RYR2: variants seen among roughly 807,000 people sequenced by gnomAD.
RYR2 encodes cardiac muscle ryanodine receptor-calcium release channel.
Under a neutral mutation model 601.1 loss-of-function variants are expected in RYR2, and 227 were observed. That is an observed-to-expected ratio of 0.38 (90% confidence interval 0.34 to 0.42). The LOEUF is 0.42. RYR2 is among the 10% of genes least tolerant of loss of function. RYR2 has a pLI of 1.00. For missense variants in RYR2, 4,646 were observed against 6,156.5 expected (o/e 0.75, Z 8.21); for synonymous variants, 2,223 against 2,175.1 (o/e 1.02, Z -0.61).
At chr1:237,523,678 C>T (rs796207516) in intron 24 of RYR2, among the ~76,000 whole-genome samples, 2 of 151,512 alleles carry the variant, frequency 1.3e-5, no homozygotes, top group Admixed American at 6.6e-5. Flanking sequence ...AAGTGGTTGC[C>T]GTGAGCCGAG....
chr1:237,760,939 TC>T lies in RYR2; in HGVS notation c.11403-13del. The T allele has an allele frequency of 6.5e-7, 1 of 1,527,450 alleles. No homozygotes were observed. Among genetic ancestry groups the T allele is most frequent in the Non-Finnish European group, 8.9e-7 (1 of 1,125,456 alleles). 94.6% of individuals were successfully genotyped at this position (1,527,450 alleles called of 1,614,324 possible). ...TATTAGTCCTCTAAATGTTTTTTTT[TC>T]CCTTGTTATTATAGTGTCCTTGACC... is the stretch of plus-strand genomic sequence containing the variant. On this transcript the variant is annotated splice_polypyrimidine_tract_variant and intron_variant, in intron 83 of 104. Transcript: ENST00000366574.
rs553373082 is a variant in RYR2, at chr1:237,512,471, T to G, written c.2822+680T>G. ...TTCAGAACTTTGGGGTGAAGTCTGT[T>G]TATGGTATTTCCTAAACTGATTTCA... On this transcript the variant is annotated intron_variant, in intron 24 of 104. Coordinates refer to ENST00000366574, the MANE Select transcript of RYR2 (RefSeq NM_001035.3). Among the ~76,000 whole-genome samples the G allele has an allele frequency of 1.5e-3, 228 of 152,326 alleles. 2 individuals carry two copies. The highest frequency in any genetic ancestry group is 5.2e-3 in the African/African-American group (216 of 41,582).
chr1:237,279,274 G>A (rs1479415552), intron 2 of RYR2, among the ~76,000 whole-genome samples: 2 of 152,066 alleles, frequency 1.3e-5, no homozygotes, highest in Non-Finnish European at 2.9e-5. Context: ...TCATGACAGG[G>A]TGCAGTTTAT....
At chr1:237,137,657 A>T (rs1672939983) in intron 1 of RYR2, among the ~76,000 whole-genome samples, 1 of 152,256 alleles carries the variant, frequency 6.6e-6, no homozygotes, top group African/African-American at 2.4e-5. Context: ...GCGACGTGGC[A>T]TCCATTTGAA....
Position 237,045,869 on chromosome 1 carries a change from G to GTTT in RYR2, c.48+3324_48+3326dup, listed in dbSNP as rs768636054. ...ATGGTATAAAATGACCTTGGTCAAG[G>GTTT]TTTTTTTTTTTTTTTTTTTTTTTTT... is the stretch of plus-strand genomic sequence containing the variant. On this transcript the variant is annotated intron_variant, in intron 1 of 104. Transcript: ENST00000366574. 1.0e-3 allele frequency among the ~76,000 whole-genome samples: 58 copies of GTTT among 56,938 alleles called. 1 individual carries two copies. Among genetic ancestry groups the GTTT allele is most frequent in the East Asian group, 6.4e-3 (9 of 1,402 alleles). The allele number at this position is 56,938 out of a possible 152,430, so 37.4% of individuals were successfully genotyped here.
At chr1:237,618,076 G>A (rs1467169488) in intron 38 of RYR2, among the ~76,000 whole-genome samples, 1 of 152,230 alleles carries the variant, frequency 6.6e-6, no homozygotes, top group East Asian at 1.9e-4. Context: ...CGTAGGGATG[G>A]TGTTAAACAA....
intron 4 of RYR2, among the ~76,000 whole-genome samples, chr1:237,362,248 T>G (rs1699838716): frequency 6.6e-6 from 1 of 152,326 alleles, no homozygotes; most frequent in South Asian, 2.1e-4. Context: ...TCCAAAAAAT[T>G]CTAAGACAGC....
chr1:237,341,777 T>C (rs981947567), intron 3 of RYR2: 2 of 435,154 alleles, frequency 4.6e-6, no homozygotes, highest in Non-Finnish European at 9.2e-6. Context: ...TAGAGCTTTT[T>C]TGTCTGTTAA....
chr1:237,383,636 G>A (rs148800548), intron 8 of RYR2, among the ~76,000 whole-genome samples: 1,628 of 151,742 alleles, frequency 0.011, 22 homozygotes, highest in African/African-American at 0.033. Flanking sequence ...TCACCGTGTT[G>A]GCCAGGATGG....
intron 10 of RYR2, among the ~76,000 whole-genome samples, chr1:237,414,842 G>C (rs1035354424): frequency 6.6e-6 from 1 of 152,140 alleles, no homozygotes; most frequent in African/African-American, 2.4e-5. Context: ...CCTAGAGGAC[G>C]TATGTTAAGT....
At chr1:237,589,349 G>A (rs1042902511) in intron 29 of RYR2, among the ~76,000 whole-genome samples, 2 of 152,128 alleles carry the variant, frequency 1.3e-5, no homozygotes, top group African/African-American at 4.8e-5. Context: ...TGTGTCTGGT[G>A]TTAGTATGTA....
intron 101 of RYR2, among the ~76,000 whole-genome samples, chr1:237,821,745 T>A (rs1662527208): frequency 6.6e-6 from 1 of 151,930 alleles, no homozygotes; most frequent in Non-Finnish European, 1.5e-5. Flanking sequence ...AGGAGCATGT[T>A]CTAACCCATT....
chr1:237,362,120 A>G (rs1448582544), intron 4 of RYR2, among the ~76,000 whole-genome samples: 2 of 152,190 alleles, frequency 1.3e-5, no homozygotes, highest in African/African-American at 4.8e-5. Flanking sequence ...TTGGAGCTCC[A>G]TCTGATGTGT....
Position 237,456,750 on chromosome 1 carries a change from T to G in RYR2, c.1612+15T>G, listed in dbSNP as rs746080670. 1.6e-5 allele frequency: 25 copies of G among 1,612,722 alleles called. No homozygotes were observed. The highest frequency in any genetic ancestry group is 2.0e-5 in the Non-Finnish European group (24 of 1,179,298). On this transcript the variant is annotated intron_variant, in intron 16 of 104. Coordinates refer to ENST00000366574, the MANE Select transcript of RYR2 (RefSeq NM_001035.3). ...TGAGTTGCTGGGTAAGAAGCATGAT[T>G]GGGTTCATAGCAACAGAGTTATCTA...
chr1:237,651,551 T>G (rs1004475687), intron 51 of RYR2, 50 bp downstream of exon 51: 1 of 1,136,556 alleles, frequency 8.8e-7, no homozygotes, highest in Non-Finnish European at 1.3e-6. Flanking sequence ...TTCTCTGACT[T>G]TATTTTCTAT....
chr1:237,064,751 C>CTTTTTTTTTTTTTTTTTTTTTTT (rs551797601), intron 1 of RYR2, among the ~76,000 whole-genome samples: 3 of 110,010 alleles, frequency 2.7e-5, no homozygotes, highest in African/African-American at 1.2e-4. Flanking sequence ...TAGAACCTGT[C>CTTTTTTTTTTTTTTTTTTTTTTT]TTTTTTTTTT....
In RYR2 at chr1:237,207,812, T is replaced by C. The variant is rs917984065; in HGVS notation, c.49-62685T>C. On this transcript the variant is annotated intron_variant, in intron 1 of 104. Coordinates refer to ENST00000366574, the MANE Select transcript of RYR2 (RefSeq NM_001035.3). ...AGCCTGGCACATAACTGCAAAACAA[T>C]AGTATTAGGTTGGTGCAAACGTAAC... Among the ~76,000 whole-genome samples the C allele has an allele frequency of 5.3e-5, 8 of 152,316 alleles. No individual in the cohort carries two copies. The East Asian group carries it at 1.5e-3, about 29-fold the overall frequency.
intron 46 of RYR2, among the ~76,000 whole-genome samples, chr1:237,640,018 C>T (rs1681305113): frequency 2.6e-5 from 1 of 38,514 alleles, no homozygotes; most frequent in Non-Finnish European, 5.1e-5. Context: ...CACTCCCCAC[C>T]ACACACACAC....
intron 73 of RYR2, among the ~76,000 whole-genome samples, chr1:237,721,260 TAAAAA>T (rs1489404003): frequency 6.6e-6 from 1 of 152,184 alleles, no homozygotes; most frequent in Non-Finnish European, 1.5e-5. Context: ...TCCTCAGACT[TAAAAA>T]GTAAACGGAT....
Sources: allele counts gnomAD v4.1 joint callset (sites outside exome capture counted in the v4.1 genomes callset), GRCh38; gene constraint gnomAD v4.1.1; transcripts MANE v1.5; gene names NCBI Gene and HGNC (gene_info 2026-07-23, HGNC 2026-07-21).